The following DPYD variants were observed in gnomAD, a reference collection of about 807,000 sequenced individuals.
DPYD encodes the protein dihydropyrimidine dehydrogenase [NADP(+)].
A neutral mutation model predicts 116.2 loss-of-function variants in DPYD; 109 were observed. That is an observed-to-expected ratio of 0.94 (90% CI 0.80 to 1.10). The LOEUF is 1.10. Among genes scored for constraint, DPYD ranks in the 50% least tolerant of loss-of-function variants. DPYD has a pLI of 0.00. For missense variants in DPYD, 1,302 were observed against 1,254.5 expected (o/e 1.04, Z -0.57); for synonymous variants, 440 against 432.0 (o/e 1.02, Z -0.23).
rs377460415 is a variant in DPYD, at chr1:97,151,066, A to T, written c.2622+42003T>A. On this transcript the variant is annotated intron_variant, in intron 20 of 22. Coordinates refer to ENST00000370192, the MANE Select transcript of DPYD (RefSeq NM_000110.4). ...GATAAGCAAAGCTAAGTCAATACCCAATAAAAATTAATACTGATATCAAAT... is the reference window on the plus strand; with the variant it reads ...GATAAGCAAAGCTAAGTCAATACCCTATAAAAATTAATACTGATATCAAAT... Among the ~76,000 whole-genome samples the T allele has an allele frequency of 2.6e-5, 4 of 152,200 alleles. No homozygotes were observed. The South Asian group carries it at 8.3e-4, about 31-fold the overall frequency.
chr1:97,452,326 A>G (rs1676463028), intron 13 of DPYD, among the ~76,000 whole-genome samples: 1 of 152,180 alleles, frequency 6.6e-6, no homozygotes, highest in Non-Finnish European at 1.5e-5. Flanking sequence ...AGACTTGTAA[A>G]GAAAGAAACT....
chr1:97,368,138 G>A (rs1671135117), intron 16 of DPYD, among the ~76,000 whole-genome samples: 2 of 152,062 alleles, frequency 1.3e-5, no homozygotes, highest in African/African-American at 4.8e-5. Flanking sequence ...GGAGTAGCCA[G>A]GGCAATGCGT....
intron 8 of DPYD, among the ~76,000 whole-genome samples, chr1:97,645,657 T>C (rs1469894672): frequency 6.6e-6 from 1 of 152,100 alleles, no homozygotes; most frequent in Non-Finnish European, 1.5e-5. Context: ...ATATGTTAGG[T>C]TTATAACAAA....
rs1025840879 is a variant in DPYD, at chr1:97,319,628, T to G, written c.2059-13331A>C. 6.4e-5 allele frequency among the ~76,000 whole-genome samples: 8 copies of G among 125,646 alleles called. 1 individual carries two copies. The highest frequency in any genetic ancestry group is 2.6e-4 in the Admixed American group (3 of 11,612). 82.4% of individuals were successfully genotyped at this position (125,646 alleles called of 152,430 possible). On this transcript the variant is annotated intron_variant, in intron 16 of 22. Coordinates refer to ENST00000370192, the MANE Select transcript of DPYD (RefSeq NM_000110.4). ...CAAAAAGAGTCCAGGACCACATGGA[T>G]TCACAGCCGAATTCTACCAGAGGTA... is the stretch of plus-strand genomic sequence containing the variant.
intron 20 of DPYD, among the ~76,000 whole-genome samples, chr1:97,101,080 A>T (rs934553856): frequency 6.7e-6 from 1 of 149,982 alleles, no homozygotes; most frequent in South Asian, 2.1e-4. Flanking sequence ...AAACTTGCCA[A>T]TTTTTTTTAA....
chr1:97,252,368 A>G (rs1489744061), intron 18 of DPYD, among the ~76,000 whole-genome samples: 2 of 152,206 alleles, frequency 1.3e-5, no homozygotes, highest in African/African-American at 2.4e-5. Context: ...TGGGGAAAGG[A>G]TATATAGTCT....
chr1:97,086,352 G>GTTT (rs35514561), intron 21 of DPYD, among the ~76,000 whole-genome samples: 5 of 143,874 alleles, frequency 3.5e-5, no homozygotes, highest in Non-Finnish European at 3.0e-5. Flanking sequence ...GCCTGGCCAA[G>GTTT]TTTTTTTTTT....
intron 5 of DPYD, among the ~76,000 whole-genome samples, chr1:97,709,333 C>G (rs1017208230): frequency 2.6e-5 from 4 of 151,870 alleles, no homozygotes; most frequent in African/African-American, 7.2e-5. Flanking sequence ...GAAGAATTAT[C>G]TGCAAGTGAA....
At chr1:97,314,847 T>G (rs913350046) in intron 16 of DPYD, among the ~76,000 whole-genome samples, 5 of 151,964 alleles carry the variant, frequency 3.3e-5, no homozygotes, top group Admixed American at 2.6e-4. Context: ...AACAGATCAA[T>G]GAACACCTTC....
At position 97,817,062 on chromosome 1, in the gene DPYD, T is replaced by C. The variant is rs1326378880; in HGVS notation, c.233+11052A>G. ...CTACAACACAAGGGCTAAATCCAGA[T>C]GGCTGCCTGTCTTTATAAATAAAAT... is the stretch of plus-strand genomic sequence containing the variant. On this transcript the variant is annotated intron_variant, in intron 3 of 22. Transcript: ENST00000370192. 3.3e-5 allele frequency among the ~76,000 whole-genome samples: 5 copies of C among 152,270 alleles called. No homozygotes were observed. The East Asian group carries it at 9.6e-4, about 29-fold the overall frequency.
At chr1:97,301,623 A>G (rs955596314) in intron 18 of DPYD, among the ~76,000 whole-genome samples, 1 of 152,044 alleles carries the variant, frequency 6.6e-6, no homozygotes, top group Non-Finnish European at 1.5e-5. Flanking sequence ...AACAACAACG[A>G]AAACTTCAAA....
At chr1:97,368,514 T>C (rs1671156525) in intron 16 of DPYD, among the ~76,000 whole-genome samples, 1 of 152,192 alleles carries the variant, frequency 6.6e-6, no homozygotes, top group African/African-American at 2.4e-5. Context: ...GCATGCTGCA[T>C]CTTGCTCTTC....
chr1:97,232,988 T>C (rs1437267909), intron 19 of DPYD, among the ~76,000 whole-genome samples: 2 of 152,202 alleles, frequency 1.3e-5, no homozygotes, highest in Non-Finnish European at 2.9e-5. Flanking sequence ...TTGACAATTT[T>C]GGTATAATAT....
At chr1:97,250,245 A>C (rs1018031937) in intron 18 of DPYD, among the ~76,000 whole-genome samples, 1 of 152,026 alleles carries the variant, frequency 6.6e-6, no homozygotes, top group African/African-American at 2.4e-5. Flanking sequence ...ACCCCAGCCC[A>C]GGCAACAATG....
intron 14 of DPYD, among the ~76,000 whole-genome samples, chr1:97,396,868 C>T (rs1414621559): frequency 6.6e-6 from 1 of 152,012 alleles, no homozygotes; most frequent in Non-Finnish European, 1.5e-5. Flanking sequence ...GTATCATCCT[C>T]AATGATCTCA....
chr1:97,844,384 G>T (rs529784178), intron 2 of DPYD, among the ~76,000 whole-genome samples: 4 of 152,148 alleles, frequency 2.6e-5, no homozygotes, highest in African/African-American at 9.7e-5. Flanking sequence ...TCAATCAACC[G>T]TGTGATTACA....
rs1038355368 is a variant in DPYD at position 97,475,803 on chromosome 1, C to T, written c.1741-25580G>A. Among the ~76,000 whole-genome samples, 9 of 152,286 alleles carry T rather than the reference C, an allele frequency of 5.9e-5. No individual in the cohort carries two copies. In the South Asian group the frequency reaches 1.5e-3, roughly 25 times the overall value. ...GCTCTAGCCTCAGAGATGTGAAAGA[C>T]TTGACTTTTGGCCTAATCCTCCTTG... On this transcript the variant is annotated intron_variant, in intron 13 of 22. Coordinates refer to ENST00000370192, the MANE Select transcript of DPYD (RefSeq NM_000110.4).
At chr1:97,086,924 T>G (rs114874062) in intron 21 of DPYD, among the ~76,000 whole-genome samples, 7,308 of 152,316 alleles carry the variant, frequency 0.048, 280 homozygotes, top group Non-Finnish European at 0.075. Flanking sequence ...TGGATGTAGC[T>G]ATTTAATCAT....
intron 20 of DPYD, among the ~76,000 whole-genome samples, chr1:97,143,949 T>C (rs1482255174): frequency 6.6e-6 from 1 of 152,168 alleles, no homozygotes; most frequent in Non-Finnish European, 1.5e-5. Context: ...CTCTTCTGAC[T>C]CTTTATCCCC....
Sources: allele counts gnomAD v4.1 joint callset (sites outside exome capture counted in the v4.1 genomes callset), GRCh38; gene constraint gnomAD v4.1.1; transcripts MANE v1.5; gene names NCBI Gene and HGNC (gene_info 2026-07-23, HGNC 2026-07-21).